Variants in ASAP2 observed in about 807,000 individuals in gnomAD.
ASAP2 encodes ArfGAP with SH3 domain, ankyrin repeat and PH domain 2, also known as arf-GAP with SH3 domain, ANK repeat and PH domain-containing protein 2.
Under a neutral mutation model 131.4 loss-of-function variants are expected in ASAP2, and 45 were observed. The observed-to-expected ratio is 0.34, with a 90% CI of 0.27 to 0.44. The LOEUF is 0.44. Ranked by LOEUF, ASAP2 falls within the 20% of genes least tolerant of loss-of-function variation. The pLI is 1.00. For missense variants in ASAP2, 1,011 were observed against 1,297.0 expected (o/e 0.78, Z 3.39); for synonymous variants, 510 against 503.0 (o/e 1.01, Z -0.19).
intron 8 of ASAP2, 70 bp from the exon 9 acceptor site, chr2:9,335,023 G>T: frequency 1.3e-6 from 2 of 1,503,666 alleles, no homozygotes; most frequent in East Asian, 4.5e-5. Flanking sequence ...GGCCCCATGA[G>T]CACCAACGTT....
At chr2:9,255,147 T>C (rs910738768) in intron 1 of ASAP2, among the ~76,000 whole-genome samples, 1 of 152,256 alleles carries the variant, frequency 6.6e-6, no homozygotes, top group African/African-American at 2.4e-5. Context: ...GTTTAATTTA[T>C]ATTTCCCTGG....
At chr2:9,328,505 T>G (rs568142408) in intron 7 of ASAP2, among the ~76,000 whole-genome samples, 1 of 152,356 alleles carries the variant, frequency 6.6e-6, no homozygotes, top group South Asian at 2.1e-4. Context: ...GATACGATGT[T>G]AATGCAGTGT....
In ASAP2 at chr2:9,245,654, C is replaced by T. The variant is rs373172372; in HGVS notation, c.127-33663C>T. On this transcript the variant is annotated intron_variant, in intron 1 of 27. Transcript: ENST00000281419. ...AAATACCTACTGGGTGCTGGTGCTGCGTTTGTGAACAGAGCACACAGAAAT... is the reference window on the plus strand; with the variant it reads ...AAATACCTACTGGGTGCTGGTGCTGTGTTTGTGAACAGAGCACACAGAAAT... Among the ~76,000 whole-genome samples the T allele has an allele frequency of 1.9e-4, 29 of 152,280 alleles. No homozygotes were observed. The South Asian group carries it at 5.4e-3, about 28-fold the overall frequency.
chr2:9,344,523 A>T lies in ASAP2; in HGVS notation c.850-9A>T. On this transcript the variant is annotated splice_polypyrimidine_tract_variant and intron_variant, in intron 9 of 27. Coordinates refer to ENST00000281419, the MANE Select transcript of ASAP2 (RefSeq NM_003887.3). ...CAAGATTAAAAACACACTCTTCACC[A>T]TTTTTTAGGACTCCCAAATTCGTCA... 1 of 1,610,950 alleles carries T rather than the reference A, an allele frequency of 6.2e-7. No individual in the cohort carries two copies.
intron 24 of ASAP2, among the ~76,000 whole-genome samples, chr2:9,397,727 GAT>G (rs200560260): frequency 0.05 from 4,177 of 83,442 alleles, 391 homozygotes; most frequent in African/African-American, 0.09. Flanking sequence ...AAATCAAAAG[GAT>G]ATATATATAT....
chr2:9,375,261 C>T (rs1157029142), intron 17 of ASAP2, among the ~76,000 whole-genome samples: 1 of 151,160 alleles, frequency 6.6e-6, no homozygotes, highest in East Asian at 1.9e-4. Flanking sequence ...CCAGCCTGGC[C>T]GACAGAGTGA....
chr2:9,277,574 G>A (rs904012921), intron 1 of ASAP2, among the ~76,000 whole-genome samples: 5 of 152,042 alleles, frequency 3.3e-5, no homozygotes, highest in African/African-American at 1.2e-4. Flanking sequence ...TTAGTTTTAG[G>A]TTCACAACAA....
chr2:9,209,715 A>G (rs1661396125), intron 1 of ASAP2, among the ~76,000 whole-genome samples: 1 of 152,102 alleles, frequency 6.6e-6, no homozygotes, highest in Admixed American at 6.5e-5. Flanking sequence ...GATTACAGGC[A>G]TGCGCCACCA....
chr2:9,272,708 C>T (rs1254691398), intron 1 of ASAP2, among the ~76,000 whole-genome samples: 1 of 152,100 alleles, frequency 6.6e-6, no homozygotes, highest in Non-Finnish European at 1.5e-5. Context: ...AGTCTTTAAT[C>T]CATTTTGGTT....
chr2:9,358,737 G>T lies in ASAP2; in HGVS notation c.1328-19G>T, dbSNP rs1257469710. ...TCTTTTTTACTGGAAGCTCAAATCT[G>T]CCCTGTTCTCTTTGGCAGATCCTAC... On this transcript the variant is annotated intron_variant, in intron 14 of 27. Coordinates refer to ENST00000281419, the MANE Select transcript of ASAP2 (RefSeq NM_003887.3). 1 of 1,609,104 alleles carries T rather than the reference G, an allele frequency of 6.2e-7. No homozygotes were observed. Among genetic ancestry groups the T allele is most frequent in the African/African-American group, 1.3e-5 (1 of 74,604 alleles).
At chr2:9,363,343 C>T (rs1229796966) in intron 15 of ASAP2, among the ~76,000 whole-genome samples, 1 of 152,036 alleles carries the variant, frequency 6.6e-6, no homozygotes, top group African/African-American at 2.4e-5. Flanking sequence ...TCTAGTTTTT[C>T]GAGGAACCTC....
intron 1 of ASAP2, among the ~76,000 whole-genome samples, chr2:9,236,156 G>A (rs1257294521): frequency 6.6e-6 from 1 of 152,010 alleles, no homozygotes; most frequent in Non-Finnish European, 1.5e-5. Context: ...ACAAAGGGAT[G>A]TCCTTGGCAC....
intron 1 of ASAP2, among the ~76,000 whole-genome samples, chr2:9,278,228 A>G (rs1477155905): frequency 6.6e-6 from 1 of 152,022 alleles, no homozygotes. Flanking sequence ...TTGCTTTTCT[A>G]TGTTGTTTAA....
intron 1 of ASAP2, among the ~76,000 whole-genome samples, chr2:9,273,915 C>G (rs370722857): frequency 6.6e-6 from 1 of 152,216 alleles, no homozygotes; most frequent in East Asian, 1.9e-4. Flanking sequence ...GTCTAGTCCC[C>G]AGGCAGGAAG....
chr2:9,318,465 C>A, intron 3 of ASAP2, 59 bp from the exon 4 acceptor site: 1 of 1,289,072 alleles, frequency 7.8e-7, no homozygotes, highest in Non-Finnish European at 1.1e-6. Flanking sequence ...TCCTTGCTGT[C>A]CTTACTTTAG....
chr2:9,286,830 G>A (rs1321585897), intron 2 of ASAP2, among the ~76,000 whole-genome samples: 1 of 152,150 alleles, frequency 6.6e-6, no homozygotes, highest in Non-Finnish European at 1.5e-5. Context: ...CAAAATTTAT[G>A]TACACCGTGT....
At chr2:9,344,205 T>C (rs1312367013) in intron 9 of ASAP2, among the ~76,000 whole-genome samples, 1 of 152,206 alleles carries the variant, frequency 6.6e-6, no homozygotes, top group Non-Finnish European at 1.5e-5. Flanking sequence ...CGAGGGCTAC[T>C]GTGGCCGTAG....
At position 9,358,779 on chromosome 2, in the gene ASAP2, C is replaced by T. The variant is rs1270085352; in HGVS notation, c.1351C>T (p.Leu451=). The T allele has an allele frequency of 1.2e-6, 2 of 1,613,432 alleles. No homozygotes were observed. Among genetic ancestry groups the T allele is most frequent in the Non-Finnish European group, 1.7e-6 (2 of 1,179,854 alleles). Residue 451 remains leucine (L), a synonymous_variant, in exon 15 of 28, where the codon CTG becomes TTG. Coordinates refer to ENST00000281419, the MANE Select transcript of ASAP2 (RefSeq NM_003887.3). ...AGATCCTACATGGCTTTCCACCAACCTGGGCATCCTGACCTGCATCGAGTG... is the reference window on the plus strand; with the variant it reads ...AGATCCTACATGGCTTTCCACCAACTTGGGCATCCTGACCTGCATCGAGTG... ...APDPTWLSTN[L]GILTCIECSG...
intron 3 of ASAP2, among the ~76,000 whole-genome samples, chr2:9,317,160 CCA>C (rs749098421): frequency 1.3e-4 from 19 of 146,638 alleles, no homozygotes; most frequent in Admixed American, 7.4e-4. Context: ...CCACTCACAT[CCA>C]CACTCTCACC....
Sources: gnomAD v4.1 joint callset for allele counts (sites outside exome capture counted in the v4.1 genomes callset) on GRCh38, gnomAD v4.1.1 for gene constraint, MANE v1.5 for transcripts, NCBI Gene and HGNC (gene_info 2026-07-23, HGNC 2026-07-21) for gene names.